The following ATP13A4 variants were observed in gnomAD, a reference collection of about 807,000 sequenced individuals.
ATP13A4 encodes the protein ATPase 13A4.
Under a neutral mutation model 142.5 loss-of-function variants are expected in ATP13A4, and 114 were observed. The observed-to-expected ratio is 0.80, with a 90% confidence interval of 0.69 to 0.93. The LOEUF (loss-of-function observed/expected upper bound fraction) is 0.93, where lower values mean the gene tolerates loss of function less well. Ranked by LOEUF, ATP13A4 falls within the 40% of genes least tolerant of loss-of-function variation. The pLI is 0.00. For synonymous variants in ATP13A4, 488 were observed against 514.8 expected (o/e 0.95, Z 0.70); for missense variants, 1,392 against 1,454.0 (o/e 0.96, Z 0.69).
Position 193,407,351 on chromosome 3 carries a change from TGA to T in ATP13A4, c.3338_3339del (p.Ile1113AsnfsTer18), listed in dbSNP as rs1190597932. ...GACACAATGAAATTCAAGCTGAGCA[TGA>T]TGACAATGGAGGCCCTCCACAGGAC... is the stretch of plus-strand genomic sequence containing the variant. ...TPVLWRASIV[I>X]MLSLNFIVSL... On this transcript the variant is annotated frameshift_variant, in exon 29 of 30. Coordinates refer to ENST00000342695, the MANE Select transcript of ATP13A4 (RefSeq NM_032279.4). LOFTEE classifies it high-confidence loss of function. 4.3e-6 allele frequency: 7 copies of T among 1,613,522 alleles called. No individual in the cohort carries two copies. The highest frequency in any genetic ancestry group is 5.1e-6 in the Non-Finnish European group (6 of 1,179,704).
At chr3:193,443,686 G>C (rs1028301719) in intron 18 of ATP13A4, among the ~76,000 whole-genome samples, 29 of 152,182 alleles carry the variant, frequency 1.9e-4, no homozygotes, top group African/African-American at 6.5e-4. Context: ...GGAAGTATCA[G>C]ACAATGGTTT....
At chr3:193,564,694 T>C (rs1486855182) in intron 2 of ATP13A4, among the ~76,000 whole-genome samples, 3 of 152,220 alleles carry the variant, frequency 2.0e-5, no homozygotes, top group African/African-American at 7.2e-5. Flanking sequence ...TGGGCTCTAA[T>C]TATTGCTTAG....
intron 3 of ATP13A4, 105 bp downstream of exon 3, chr3:193,502,388 T>G: frequency 7.4e-7 from 1 of 1,344,176 alleles, no homozygotes; most frequent in Non-Finnish European, 1.1e-6. Context: ...AAATATACAC[T>G]ATCAAATGAG....
At chr3:193,535,955 A>C (rs1373214578) in intron 1 of ATP13A4, among the ~76,000 whole-genome samples, 2 of 152,116 alleles carry the variant, frequency 1.3e-5, no homozygotes, top group African/African-American at 4.8e-5. Flanking sequence ...TAATCTGATT[A>C]ATCCTATTAC....
chr3:193,515,349 C>T (rs1036126103), intron 1 of ATP13A4, among the ~76,000 whole-genome samples: 6 of 152,128 alleles, frequency 3.9e-5, no homozygotes, highest in Non-Finnish European at 8.8e-5. Context: ...GACAGCAGCA[C>T]CAAGAGATTC....
At chr3:193,424,853 A>G (rs1715576200) in intron 25 of ATP13A4, among the ~76,000 whole-genome samples, 1 of 149,708 alleles carries the variant, frequency 6.7e-6, no homozygotes. Flanking sequence ...AAGATTTTGC[A>G]CAACAAAGGA....
At chr3:193,587,728 C>T (rs1246878317) in intron 1 of ATP13A4, among the ~76,000 whole-genome samples, 1 of 152,116 alleles carries the variant, frequency 6.6e-6, no homozygotes, top group Non-Finnish European at 1.5e-5. Context: ...AAATGTTATG[C>T]CTTACATTTC....
chr3:193,565,638 C>T (rs928991690), intron 2 of ATP13A4, among the ~76,000 whole-genome samples: 2 of 152,128 alleles, frequency 1.3e-5, no homozygotes, highest in African/African-American at 4.8e-5. Context: ...CCTATTTCCA[C>T]CCAGTGGTCC....
intron 26 of ATP13A4, among the ~76,000 whole-genome samples, chr3:193,413,357 A>T (rs1302675523): frequency 3.3e-5 from 5 of 152,198 alleles, no homozygotes; most frequent in African/African-American, 1.2e-4. Flanking sequence ...TGATTGTAAA[A>T]CATGTGTGTT....
intron 3 of ATP13A4, among the ~76,000 whole-genome samples, chr3:193,495,790 C>T (rs1289181870): frequency 6.6e-6 from 1 of 151,952 alleles, no homozygotes; most frequent in Non-Finnish European, 1.5e-5. Flanking sequence ...TTAAATTGCC[C>T]CTTTTTGCAG....
intron 2 of ATP13A4, among the ~76,000 whole-genome samples, chr3:193,576,798 A>T (rs1724406632): frequency 6.6e-6 from 1 of 152,186 alleles, no homozygotes; most frequent in African/African-American, 2.4e-5. Flanking sequence ...GAAAAAAACA[A>T]CTCATAAAAG....
intron 2 of ATP13A4, 128 bp downstream of exon 2, chr3:193,514,570 C>A (rs761110307): frequency 8.7e-5 from 108 of 1,241,082 alleles, no homozygotes; most frequent in Non-Finnish European, 1.2e-4. Flanking sequence ...TGTGATGAAA[C>A]CTAAGGAACC....
intron 8 of ATP13A4, among the ~76,000 whole-genome samples, chr3:193,473,067 T>C (rs1004488143): frequency 2.6e-4 from 39 of 152,330 alleles, no homozygotes; most frequent in African/African-American, 8.7e-4. Flanking sequence ...CTAAATTCCC[T>C]TTCTCCCAAT....
intron 25 of ATP13A4, among the ~76,000 whole-genome samples, chr3:193,427,085 G>A (rs1257550516): frequency 6.6e-6 from 1 of 151,990 alleles, no homozygotes; most frequent in Admixed American, 6.6e-5. Flanking sequence ...TGTCTCATAA[G>A]AGTTTAATCT....
rs532401792 is a variant in ATP13A4, at chr3:193,493,517, A to T, written c.382-357T>A. ...AAAATAAAAACATAATAACATAAAAAATACGGTCTTGAAATGCTGTAGACG... is the reference window on the plus strand; with the variant it reads ...AAAATAAAAACATAATAACATAAAATATACGGTCTTGAAATGCTGTAGACG... On this transcript the variant is annotated intron_variant, in intron 3 of 29. Coordinates refer to ENST00000342695, the MANE Select transcript of ATP13A4 (RefSeq NM_032279.4). 1.2e-4 allele frequency among the ~76,000 whole-genome samples: 19 copies of T among 152,298 alleles called. No individual in the cohort carries two copies. The South Asian group carries it at 3.9e-3, about 32-fold the overall frequency.
At chr3:193,459,936 C>A (rs1472212207) in intron 13 of ATP13A4, among the ~76,000 whole-genome samples, 1 of 152,158 alleles carries the variant, frequency 6.6e-6, no homozygotes, top group African/African-American at 2.4e-5. Flanking sequence ...TCAGCTTTGG[C>A]GTCACAAGAA....
chr3:193,440,420 T>C, intron 21 of ATP13A4, 138 bp downstream of exon 21: 3 of 1,485,470 alleles, frequency 2.0e-6, no homozygotes, highest in South Asian at 2.5e-5. Flanking sequence ...TCTCCAAAGC[T>C]CCCAAGTGAT....
At position 193,502,477 on chromosome 3, in the gene ATP13A4, C is replaced by G; in HGVS notation, c.381+16G>C. ...TAAATCTCTCTGACATCAGCAGTAG[C>G]CATAAGTTTACTTACCTTTAGGTCT... is the stretch of plus-strand genomic sequence containing the variant. On this transcript the variant is annotated intron_variant, in intron 3 of 29. Coordinates refer to ENST00000342695, the MANE Select transcript of ATP13A4 (RefSeq NM_032279.4). 6.2e-7 allele frequency: 1 copy of G among 1,612,326 alleles called. No individual in the cohort carries two copies. The highest frequency in any genetic ancestry group is 8.5e-7 in the Non-Finnish European group (1 of 1,178,500).
rs3732525 is a variant in ATP13A4, at chr3:193,400,491, G to T, written c.*2161C>A. On this transcript the variant is annotated 3_prime_UTR_variant, in exon 30 of 30. Coordinates refer to ENST00000342695, the MANE Select transcript of ATP13A4 (RefSeq NM_032279.4). ...ATGCCTGGCATTCATTTGAACAGAG[G>T]GCCTGGTATTAGCAAAGGGTTGCCC... is the stretch of plus-strand genomic sequence containing the variant. Among the ~76,000 whole-genome samples the T allele has an allele frequency of 6.6e-6, 1 of 152,128 alleles. No individual in the cohort carries two copies. Among genetic ancestry groups the T allele is most frequent in the Admixed American group, 6.5e-5 (1 of 15,274 alleles).
Sources: allele counts gnomAD v4.1 joint callset (sites outside exome capture counted in the v4.1 genomes callset), GRCh38; gene constraint gnomAD v4.1.1; transcripts MANE v1.5; gene names NCBI Gene and HGNC (gene_info 2026-07-23, HGNC 2026-07-21).